Variants in AFG2A observed in about 807,000 individuals in gnomAD.
AFG2A encodes the protein ATPase family gene 2 protein homolog A.
chr4:123,046,866 C>T, the AFG2A span, among the ~76,000 whole-genome samples: 4 of 152,144 alleles, frequency 2.6e-5, no homozygotes, highest in Admixed American at 2.6e-4. Flanking sequence ...TTTTAGCTTG[C>T]ACATATGAGT....
the AFG2A span, among the ~76,000 whole-genome samples, chr4:123,173,340 GTTTTTTTTTTTTTT>G: frequency 1.3e-4 from 9 of 70,306 alleles, 1 homozygote; most frequent in South Asian, 2.1e-3. Context: ...AAGTCCAATG[GTTTTTTTTTTTTTT>G]TTTTTTTTTT....
chr4:123,107,203 A>C, the AFG2A span, among the ~76,000 whole-genome samples: 3 of 152,162 alleles, frequency 2.0e-5, no homozygotes, highest in Admixed American at 2.0e-4. Context: ...CAATGTGGCA[A>C]GTCAGGGTTG....
chr4:122,935,128 G>A, the AFG2A span, among the ~76,000 whole-genome samples: 1 of 152,086 alleles, frequency 6.6e-6, no homozygotes, highest in Non-Finnish European at 1.5e-5. Context: ...AGGTAATTAC[G>A]GGAATGGCTT....
At chr4:123,071,496 AAAAAG>A in the AFG2A span, among the ~76,000 whole-genome samples, 2 of 152,200 alleles carry the variant, frequency 1.3e-5, no homozygotes, top group African/African-American at 4.8e-5. Context: ...AAAAAAAAAA[AAAAAG>A]AATCACTTGT....
the AFG2A span, among the ~76,000 whole-genome samples, chr4:122,986,036 G>A: frequency 6.6e-6 from 1 of 151,792 alleles, no homozygotes; most frequent in Non-Finnish European, 1.5e-5. Flanking sequence ...TTGACCCAGC[G>A]CTCATTCAGG....
At chr4:122,993,025 G>A in the AFG2A span, among the ~76,000 whole-genome samples, 5 of 130,390 alleles carry the variant, frequency 3.8e-5, no homozygotes, top group Admixed American at 7.9e-5. Context: ...TCACTCTGTC[G>A]CCTATGCTGG....
chr4:123,284,696 A>G, the AFG2A span, among the ~76,000 whole-genome samples: 4 of 152,166 alleles, frequency 2.6e-5, no homozygotes, highest in South Asian at 2.1e-4. Context: ...CACTTTACCC[A>G]TTGAAGGAAA....
At chr4:122,927,176 T>C in the AFG2A span, among the ~76,000 whole-genome samples, 1 of 152,216 alleles carries the variant, frequency 6.6e-6, no homozygotes, top group East Asian at 1.9e-4. Context: ...CTTTACGTAT[T>C]CTTGGTAATA....
At chr4:123,131,363 GTTTA>G in the AFG2A span, among the ~76,000 whole-genome samples, 3,060 of 152,046 alleles carry the variant, frequency 0.02, 95 homozygotes, top group African/African-American at 0.069. Flanking sequence ...CATCTTAACT[GTTTA>G]TTTTTCTTTT....
chr4:123,135,754 A>G, the AFG2A span, among the ~76,000 whole-genome samples: 13 of 152,320 alleles, frequency 8.5e-5, no homozygotes, highest in African/African-American at 2.9e-4. Context: ...GCCATTTTAT[A>G]TAAAGGACTT....
the AFG2A span, among the ~76,000 whole-genome samples, chr4:123,255,461 C>T: frequency 6.6e-5 from 10 of 150,988 alleles, no homozygotes; most frequent in East Asian, 1.8e-3. Context: ...CGCCACTGCA[C>T]TCCAGCCTGG....
At chr4:122,953,161 G>A in the AFG2A span, among the ~76,000 whole-genome samples, 1 of 152,104 alleles carries the variant, frequency 6.6e-6, no homozygotes, top group South Asian at 2.1e-4. Context: ...TGTCCATTTC[G>A]CATTCCCCTT....
chr4:123,060,980 C>T, the AFG2A span, among the ~76,000 whole-genome samples: 1 of 152,174 alleles, frequency 6.6e-6, no homozygotes, highest in Non-Finnish European at 1.5e-5. Flanking sequence ...AAAATGCCAC[C>T]AGTCTCTTTG....
the AFG2A span, among the ~76,000 whole-genome samples, chr4:123,301,772 C>G: frequency 4.3e-4 from 65 of 152,304 alleles, no homozygotes; most frequent in South Asian, 1.9e-3. Context: ...ACCATGTCAT[C>G]TTCTTTAAAT....
At chr4:123,040,006 T>C in the AFG2A span, among the ~76,000 whole-genome samples, 1 of 152,142 alleles carries the variant, frequency 6.6e-6, no homozygotes, top group East Asian at 1.9e-4. Flanking sequence ...ATTTTTATGT[T>C]AATGAATTTT....
the AFG2A span, among the ~76,000 whole-genome samples, chr4:123,285,359 C>T: frequency 6.6e-6 from 1 of 152,126 alleles, no homozygotes; most frequent in African/African-American, 2.4e-5. Flanking sequence ...GGTTCTGTTT[C>T]TTGGACCATT....
At chr4:123,077,130 C>G in the AFG2A span, among the ~76,000 whole-genome samples, 2 of 149,440 alleles carry the variant, frequency 1.3e-5, no homozygotes, top group Non-Finnish European at 3.0e-5. Flanking sequence ...TCACTGCAAG[C>G]TCCGCCTCCT....
the AFG2A span, among the ~76,000 whole-genome samples, chr4:123,189,486 G>T: frequency 6.6e-6 from 1 of 151,834 alleles, no homozygotes; most frequent in Non-Finnish European, 1.5e-5. Context: ...CAACTTAGTT[G>T]AAACACAGAA....
the AFG2A span, among the ~76,000 whole-genome samples, chr4:123,193,712 ATCAG>A: frequency 5.9e-5 from 9 of 152,196 alleles, no homozygotes; most frequent in Non-Finnish European, 1.0e-4. Context: ...TTGTTTCTTA[ATCAG>A]AATGTGAAAA....
Sources: allele counts gnomAD v4.1 joint callset (sites outside exome capture counted in the v4.1 genomes callset), GRCh38; gene constraint gnomAD v4.1.1; transcripts MANE v1.5; gene names NCBI Gene and HGNC (gene_info 2026-07-23, HGNC 2026-07-21).